The following LCOR variants were observed in gnomAD, a reference collection of about 807,000 sequenced individuals.
LCOR encodes ligand dependent nuclear receptor corepressor.
In LCOR, 14 loss-of-function variants were observed where a neutral mutation model predicts 64.4. That is an observed-to-expected ratio of 0.22 (90% confidence interval 0.14 to 0.34). LCOR has a LOEUF of 0.34. Among genes scored for constraint, LCOR ranks in the 10% least tolerant of loss-of-function variants. The pLI, the probability that LCOR is intolerant of heterozygous loss-of-function variation, is 1.00. For missense variants in LCOR, 1,686 were observed against 1,765.3 expected, an observed-to-expected ratio of 0.96 and a Z score of 0.80; for synonymous variants, 643 against 642.5, an observed-to-expected ratio of 1.00 and a Z score of -0.01.
At position 96,994,745 on chromosome 10, in the gene LCOR, A is replaced by C. The variant is rs1848229056; in HGVS notation, c.*9611A>C. The C allele has an allele frequency of 6.6e-6, 1 of 152,150 alleles. No homozygotes were observed. Among genetic ancestry groups the C allele is most frequent in the African/African-American group, 2.4e-5 (1 of 41,432 alleles). The allele number at this position is 152,150 out of a possible 1,614,324, so 9.4% of individuals were successfully genotyped here. The stretch of plus-strand genomic sequence containing the variant: ...ATAGAATTCTGGCCTGAGGCTCCCC[A>C]AGTCTTATTACCTTGTATGAAAAAT... On this transcript the variant is annotated 3_prime_UTR_variant, in exon 8 of 8. Transcript: ENST00000421806.
chr10:96,885,456 ACTGTTCCCT>A (rs1169296964), intron 2 of LCOR, among the ~76,000 whole-genome samples: 2 of 151,420 alleles, frequency 1.3e-5, no homozygotes, highest in Admixed American at 1.3e-4. Context: ...ATCACGGCTC[ACTGTTCCCT>A]TGACCTCCCA....
chr10:96,917,861 G>A (rs1242304637), intron 4 of LCOR, among the ~76,000 whole-genome samples: 2 of 152,176 alleles, frequency 1.3e-5, no homozygotes, highest in Non-Finnish European at 2.9e-5. Context: ...AGATGGCTTG[G>A]CATGAAATTA....
At chr10:96,892,632 C>A (rs1846465396) in intron 2 of LCOR, among the ~76,000 whole-genome samples, 1 of 152,056 alleles carries the variant, frequency 6.6e-6, no homozygotes, top group Admixed American at 6.5e-5. Flanking sequence ...TTCCAAAGGC[C>A]CCACTTCTTA....
chr10:96,843,332 T>C (rs1845573397), intron 2 of LCOR, among the ~76,000 whole-genome samples: 2 of 152,128 alleles, frequency 1.3e-5, no homozygotes, highest in East Asian at 1.9e-4. Flanking sequence ...GAGGTCTTGC[T>C]ATGTAGCCCA....
intron 7 of LCOR, chr10:96,957,575 C>A (rs1372123476): frequency 1.0e-6 from 1 of 985,062 alleles, no homozygotes; most frequent in African/African-American, 1.7e-5. Flanking sequence ...ATTGGAGTTT[C>A]AGTGTAAAAT....
At chr10:96,971,111 A>G (rs185335166) in intron 7 of LCOR, among the ~76,000 whole-genome samples, 41 of 152,326 alleles carry the variant, frequency 2.7e-4, no homozygotes, top group African/African-American at 9.4e-4. Flanking sequence ...TAAAGCCATT[A>G]TGTAAACCAT....
rs1254006140 is a variant in LCOR, at chr10:96,989,886, G to A, written c.*4752G>A. The A allele has an allele frequency of 1.3e-5, 2 of 150,788 alleles. No homozygotes were observed. The highest frequency in any genetic ancestry group is 4.9e-5 in the African/African-American group (2 of 40,876). The allele number at this position is 150,788 out of a possible 1,614,324, so 9.3% of individuals were successfully genotyped here. A position where few individuals can be genotyped will look rare whatever the true frequency, so the allele number is the denominator to read the frequency against. On this transcript the variant is annotated 3_prime_UTR_variant, in exon 8 of 8. Transcript: ENST00000421806. ...TTTTTTTAATGTGATTCAATGTCCTGTCAGTGAAAAATTTTTGTCAGTGGC... is the reference window on the plus strand; with the variant it reads ...TTTTTTTAATGTGATTCAATGTCCTATCAGTGAAAAATTTTTGTCAGTGGC...
At chr10:96,954,997 G>A (rs947044347) in intron 7 of LCOR, 1 of 1,613,972 alleles carries the variant, frequency 6.2e-7, no homozygotes, top group Non-Finnish European at 8.5e-7. Flanking sequence ...GGACTTCGGA[G>A]TGGTGATGGG....
chr10:96,869,572 T>TC (rs914969561), intron 2 of LCOR, among the ~76,000 whole-genome samples: 9 of 150,534 alleles, frequency 6.0e-5, no homozygotes, highest in African/African-American at 2.2e-4. Context: ...GTTCTTTCTT[T>TC]TTTTTTTTTT....
intron 5 of LCOR, among the ~76,000 whole-genome samples, chr10:96,946,275 A>G (rs1445942363): frequency 2.0e-5 from 3 of 152,086 alleles, no homozygotes; most frequent in African/African-American, 7.2e-5. Context: ...TTAATAATTC[A>G]GATGCTTAGA....
At chr10:96,832,673 C>T (rs944176081) in intron 1 of LCOR, among the ~76,000 whole-genome samples, 11 of 150,752 alleles carry the variant, frequency 7.3e-5, no homozygotes, top group Admixed American at 2.0e-4. Flanking sequence ...CCCTCCCGCT[C>T]TCCATCCCCG....
At position 96,984,894 on chromosome 10, in the gene LCOR, A is replaced by C. The variant is rs757285389; in HGVS notation, c.4434A>C (p.Thr1478=). 6.2e-7 allele frequency: 1 copy of C among 1,613,836 alleles called. No individual in the cohort carries two copies. Among genetic ancestry groups the C allele is most frequent in the Admixed American group, 1.7e-5 (1 of 59,908 alleles). The change falls in exon 8 of 8, where the codon ACA becomes ACC. Residue 1478 remains threonine (T), a synonymous_variant. Coordinates refer to ENST00000421806, the MANE Select transcript of LCOR (RefSeq NM_001346516.2). ...CCTCCAGGAAAGAAAAAGAGAATAC[A>C]AACAAAAGGCCTTCCCAGTCTATTG... ...CPPSRKEKEN[T]NKRPSQSIAS...
intron 4 of LCOR, among the ~76,000 whole-genome samples, chr10:96,936,551 G>A (rs776679119): frequency 9.2e-5 from 14 of 152,160 alleles, no homozygotes; most frequent in Non-Finnish European, 1.6e-4. Context: ...GAAGTCAGAA[G>A]TAAAAAGAAT....
At chr10:96,860,911 G>A (rs1469986105) in intron 2 of LCOR, among the ~76,000 whole-genome samples, 2 of 152,140 alleles carry the variant, frequency 1.3e-5, no homozygotes, top group African/African-American at 4.8e-5. Context: ...AATATCCTGA[G>A]TATAAAAGAA....
At chr10:96,966,419 G>T (rs1007027161) in intron 7 of LCOR, among the ~76,000 whole-genome samples, 2 of 151,640 alleles carry the variant, frequency 1.3e-5, no homozygotes, top group African/African-American at 4.8e-5. Flanking sequence ...TAGTAGAAAC[G>T]GGGTTTCACC....
chr10:96,965,337 T>A (rs1176028882), intron 7 of LCOR, among the ~76,000 whole-genome samples: 2 of 151,232 alleles, frequency 1.3e-5, no homozygotes, highest in East Asian at 3.9e-4. Context: ...TTAAAGATGA[T>A]GCTATTGTTA....
intron 2 of LCOR, among the ~76,000 whole-genome samples, chr10:96,859,024 A>C (rs1845846942): frequency 1.3e-5 from 2 of 152,176 alleles, no homozygotes; most frequent in African/African-American, 4.8e-5. Context: ...TTGTATTGCA[A>C]ATGATAGAAA....
At chr10:96,840,869 G>A (rs1231671165) in intron 2 of LCOR, among the ~76,000 whole-genome samples, 1 of 152,252 alleles carries the variant, frequency 6.6e-6, no homozygotes, top group Non-Finnish European at 1.5e-5. Flanking sequence ...CAGGCCAGGT[G>A]GCTCACGCCT....
At chr10:96,953,014 G>C (rs1173053617) in intron 7 of LCOR, among the ~76,000 whole-genome samples, 1 of 152,158 alleles carries the variant, frequency 6.6e-6, no homozygotes, top group Admixed American at 6.5e-5. Context: ...AAAGGAACAA[G>C]TGGATGCTAA....
Sources: allele counts gnomAD v4.1 joint callset (sites outside exome capture counted in the v4.1 genomes callset), GRCh38; gene constraint gnomAD v4.1.1; transcripts MANE v1.5; gene names NCBI Gene and HGNC (gene_info 2026-07-23, HGNC 2026-07-21).